Variants in SPRY3 observed in about 807,000 individuals in gnomAD.
SPRY3 encodes the protein protein sprouty homolog 3.
Under a neutral mutation model 20.2 loss-of-function variants are expected in SPRY3, and 15 were observed. The observed-to-expected ratio is 0.74, with a 90% CI of 0.50 to 1.14. The LOEUF is 1.14. Among genes scored for constraint, SPRY3 ranks in the 50% most tolerant of loss-of-function variants. The pLI, the probability that SPRY3 is intolerant of heterozygous loss-of-function variation, is 0.00. For synonymous variants in SPRY3, 143 were observed against 136.5 expected (o/e 1.05, Z -0.33); for missense variants, 364 against 363.9 (o/e 1.00, Z 0.00).
chrX:155,752,049 GA>G (rs2091266541), intron 2 of SPRY3, among the ~76,000 whole-genome samples: 1 of 151,434 alleles, frequency 6.6e-6, no homozygotes, highest in African/African-American at 2.4e-5. Flanking sequence ...TCCTTAAATT[GA>G]AAAAGGACTT....
intron 2 of SPRY3, among the ~76,000 whole-genome samples, chrX:155,700,767 CTG>C (rs2068135262): frequency 1.8e-5 from 1 of 55,498 alleles, no homozygotes; most frequent in South Asian, 1.1e-3. Flanking sequence ...CCCCCCTCCC[CTG>C]ACCCCACCAC....
At position 155,650,295 on chromosome X, in the gene SPRY3, T is replaced by C. The variant is rs782469036; in HGVS notation, c.-440-6572T>C. ...ATATGGAATCAAAATAGAGCCCGTA[T>C]AGCCAAGACAATCCTAAGCAAACAA... On this transcript the variant is annotated intron_variant, in intron 1 of 3. Coordinates refer to ENST00000675360, the Ensembl canonical transcript of SPRY3. Among the ~76,000 whole-genome samples, 23 of 112,081 alleles carry C rather than the reference T, an allele frequency of 2.1e-4. No individual in the cohort carries two copies. The South Asian group carries it at 8.2e-3, about 40-fold the overall frequency.
Position 155,718,842 on chromosome X carries a change from T to C in SPRY3, c.-281-49120T>C, listed in dbSNP as rs187123137. Among the ~76,000 whole-genome samples, 124 of 152,134 alleles carry C rather than the reference T, an allele frequency of 8.2e-4. 1 individual carries two copies. The highest frequency in any genetic ancestry group is 2.8e-3 in the African/African-American group (118 of 41,512). ...ATCTGGAAACCATATAGGAAAATAT[T>C]GACAGATATAAAAATGAAACATGAT... On this transcript the variant is annotated intron_variant, in intron 2 of 3. Transcript: ENST00000675360.
intron 1 of SPRY3, among the ~76,000 whole-genome samples, chrX:155,615,292 A>G (rs2067847700): frequency 8.9e-6 from 1 of 112,658 alleles, no homozygotes; most frequent in South Asian, 3.6e-4. Context: ...TGCATGGACT[A>G]CTGTATTAAA....
chrX:155,767,728 G>GAGGAGGAGAAAGAGGAGT (rs2091346572), intron 2 of SPRY3: 1 of 65,910 alleles, frequency 1.5e-5, no homozygotes, highest in African/African-American at 4.1e-5. Flanking sequence ...GAAAGAGGAG[G>GAGGAGGAGAAAGAGGAGT]AGGAGGAGAG....
At chrX:155,763,893 A>G (rs1249994840) in intron 2 of SPRY3, among the ~76,000 whole-genome samples, 1 of 152,156 alleles carries the variant, frequency 6.6e-6, no homozygotes, top group Non-Finnish European at 1.5e-5. Flanking sequence ...TAACTGTCAT[A>G]TCAGAAATGA....
rs1033838848 is a variant in SPRY3, at chrX:155,759,529, C to CTA, written c.-281-8423_-281-8422dup. Among the ~76,000 whole-genome samples the CTA allele has an allele frequency of 7.9e-5, 12 of 151,690 alleles. No homozygotes were observed. The East Asian group carries it at 1.4e-3, about 17-fold the overall frequency. On this transcript the variant is annotated intron_variant, in intron 2 of 3. Transcript: ENST00000675360. ...TTATATATTAACTAATAACATATCG[C>CTA]TATATATATATCTATATTAATAACA... is the stretch of plus-strand genomic sequence containing the variant.
chrX:155,664,115 G>T (rs1435984639), intron 2 of SPRY3, among the ~76,000 whole-genome samples: 5 of 110,574 alleles, frequency 4.5e-5, no homozygotes. Context: ...ATTACAAAGT[G>T]TATAGAAATA....
chrX:155,616,121 TCTCTCTCTC>T (rs2067851430), intron 1 of SPRY3, among the ~76,000 whole-genome samples: 1 of 51,480 alleles, frequency 1.9e-5, no homozygotes, highest in Non-Finnish European at 5.2e-5. Context: ...TCTCTCTCTC[TCTCTCTCTC>T]CTCTCTCTCT....
intron 2 of SPRY3, among the ~76,000 whole-genome samples, chrX:155,697,522 C>CACATATATAT (rs750002413): frequency 8.1e-5 from 8 of 99,347 alleles, no homozygotes; most frequent in African/African-American, 2.7e-4. Context: ...CACACACACA[C>CACATATATAT]ATATATATAT....
downstream of SPRY3, chrX:155,781,183 C>T (rs1222273175): frequency 6.0e-6 from 1 of 166,914 alleles, no homozygotes; most frequent in African/African-American, 2.4e-5. Context: ...ATGCCACTAA[C>T]ACTATCTGCC....
chrX:155,686,246 A>G (rs2068087590), intron 2 of SPRY3, among the ~76,000 whole-genome samples: 2 of 110,832 alleles, frequency 1.8e-5, no homozygotes, highest in Non-Finnish European at 1.9e-5. Context: ...TTGTCAGATA[A>G]TTATTGTTGG....
chrX:155,719,863 A>T (rs929809706), intron 2 of SPRY3, among the ~76,000 whole-genome samples: 1 of 152,114 alleles, frequency 6.6e-6, no homozygotes, highest in African/African-American at 2.4e-5. Flanking sequence ...GACTCAAGAC[A>T]TTCCCGGCTG....
chrX:155,709,175 G>A (rs1325009675), intron 2 of SPRY3, among the ~76,000 whole-genome samples: 1 of 151,564 alleles, frequency 6.6e-6, no homozygotes, highest in African/African-American at 2.4e-5. Context: ...TTGTCTTTTG[G>A]GCATATACCC....
At position 155,766,353 on chromosome X, in the gene SPRY3, A is replaced by G. The variant is rs182169715; in HGVS notation, c.-281-1609A>G. Among the ~76,000 whole-genome samples, 441 of 152,264 alleles carry G rather than the reference A, an allele frequency of 2.9e-3. 3 individuals carry two copies. The highest frequency in any genetic ancestry group is 9.9e-3 in the African/African-American group (411 of 41,550). On this transcript the variant is annotated intron_variant, in intron 2 of 3. Coordinates refer to ENST00000675360, the Ensembl canonical transcript of SPRY3. Reference sequence around the variant, plus strand: ...AGGACGTTAGCAATTACCTAATCAGATCCCCTCATGTTAATGTAAAAATTG... The same window carrying G: ...AGGACGTTAGCAATTACCTAATCAGGTCCCCTCATGTTAATGTAAAAATTG...
At chrX:155,624,241 G>T (rs782474581) in intron 1 of SPRY3, among the ~76,000 whole-genome samples, 1 of 111,317 alleles carries the variant, frequency 9.0e-6, no homozygotes, top group Non-Finnish European at 1.9e-5. Context: ...CAATTAATGC[G>T]CCTCTTCTCT....
At chrX:155,710,635 A>T (rs1854072199) in intron 2 of SPRY3, among the ~76,000 whole-genome samples, 1 of 151,742 alleles carries the variant, frequency 6.6e-6, no homozygotes, top group Non-Finnish European at 1.5e-5. Flanking sequence ...CTTCCTTTCC[A>T]ATTTGGAGGT....
chrX:155,716,261 C>G (rs2091021666), intron 2 of SPRY3, among the ~76,000 whole-genome samples: 1 of 152,140 alleles, frequency 6.6e-6, no homozygotes, highest in African/African-American at 2.4e-5. Context: ...GTTGTGGAAC[C>G]CATTTACAGC....
chrX:155,646,101 G>A (rs1013970285), intron 1 of SPRY3, among the ~76,000 whole-genome samples: 2 of 111,995 alleles, frequency 1.8e-5, no homozygotes, highest in Non-Finnish European at 3.8e-5. Flanking sequence ...TCAGTTAATC[G>A]ACTGTATGTG....
Sources: gnomAD v4.1 joint callset for allele counts (sites outside exome capture counted in the v4.1 genomes callset) on GRCh38, gnomAD v4.1.1 for gene constraint, MANE v1.5 for transcripts, NCBI Gene and HGNC (gene_info 2026-07-23, HGNC 2026-07-21) for gene names.